Variants in CACNB4 observed in about 807,000 individuals in gnomAD.
CACNB4 encodes voltage-dependent L-type calcium channel subunit beta-4.
CACNB4 carries 32 observed loss-of-function variants against 71.2 expected under a neutral mutation model. The ratio of observed to expected loss-of-function variants is 0.45; its 90% CI spans 0.34 to 0.60. The LOEUF (loss-of-function observed/expected upper bound fraction) is 0.60, where lower values mean the gene tolerates loss of function less well. Ranked by LOEUF, CACNB4 falls within the 20% of genes least tolerant of loss-of-function variation. CACNB4 has a pLI of 0.01. For missense variants in CACNB4, 464 were observed against 647.9 expected (o/e 0.72, Z 3.08); for synonymous variants, 231 against 236.9 (o/e 0.97, Z 0.23).
chr2:151,894,617 C>A lies in CACNB4; in HGVS notation c.148-11247G>T, dbSNP rs561631671. On this transcript the variant is annotated intron_variant, in intron 2 of 13. Coordinates refer to ENST00000539935, the MANE Select transcript of CACNB4 (RefSeq NM_000726.5). ...TCCAGATGGAAATCAGAAAGTCAAA[C>A]TGTCCCTCTTTACAGACGACATGAT... is the stretch of plus-strand genomic sequence containing the variant. Among the ~76,000 whole-genome samples the A allele has an allele frequency of 6.6e-5, 10 of 152,262 alleles. No individual in the cohort carries two copies. In the South Asian group the frequency reaches 2.1e-3, roughly 32 times the overall value.
chr2:152,002,644 T>G (rs906817360), intron 2 of CACNB4, among the ~76,000 whole-genome samples: 13 of 152,222 alleles, frequency 8.5e-5, no homozygotes, highest in Admixed American at 5.2e-4. Flanking sequence ...ATCAAATATA[T>G]TTAACAATGT....
chr2:151,966,697 GT>G (rs937826215), intron 2 of CACNB4, among the ~76,000 whole-genome samples: 2 of 152,136 alleles, frequency 1.3e-5, no homozygotes, highest in African/African-American at 4.8e-5. Context: ...CTATAAGATT[GT>G]TGGAAATCAC....
At chr2:151,878,831 A>G (rs1454001434) in intron 4 of CACNB4, among the ~76,000 whole-genome samples, 1 of 152,136 alleles carries the variant, frequency 6.6e-6, no homozygotes. Flanking sequence ...GGATCACTTG[A>G]GCCCAGGAGT....
chr2:151,896,818 T>C (rs2099852200), intron 2 of CACNB4, among the ~76,000 whole-genome samples: 1 of 152,222 alleles, frequency 6.6e-6, no homozygotes, highest in Admixed American at 6.5e-5. Flanking sequence ...TTTACTGATG[T>C]TATCTAATTT....
chr2:152,018,207 A>G (rs7598222), intron 2 of CACNB4, among the ~76,000 whole-genome samples: 149,964 of 152,184 alleles, frequency 0.99, 73,935 homozygotes, highest in Middle Eastern at 1. Context: ...TAAACAAAAG[A>G]TGAAATGGGC....
chr2:151,951,301 A>C (rs76655590), intron 2 of CACNB4, among the ~76,000 whole-genome samples: 1 of 151,936 alleles, frequency 6.6e-6, no homozygotes, highest in African/African-American at 2.4e-5. Flanking sequence ...AAAAAAAAAA[A>C]CAACTAATAA....
chr2:151,868,994 C>T, intron 9 of CACNB4, 183 bp downstream of exon 9: 1 of 453,344 alleles, frequency 2.2e-6, no homozygotes, highest in Non-Finnish European at 3.9e-6. Flanking sequence ...CCTTTCTTCA[C>T]TGGGGACTCA....
chr2:151,927,661 C>T lies in CACNB4; in HGVS notation c.148-44291G>A, dbSNP rs548960992. Among the ~76,000 whole-genome samples the T allele has an allele frequency of 3.9e-5, 6 of 152,330 alleles. No homozygotes were observed. In the East Asian group the frequency reaches 1.2e-3, roughly 29 times the overall value. Reference sequence around the variant, plus strand: ...AAAACTCACTTGAGATCAATGATCACGAACTGCAGGTGAGTCAGCGCAATT... The same window carrying T: ...AAAACTCACTTGAGATCAATGATCATGAACTGCAGGTGAGTCAGCGCAATT... On this transcript the variant is annotated intron_variant, in intron 2 of 13. Transcript: ENST00000539935.
rs34430081 is a variant in CACNB4, at chr2:152,069,503, CT to C, written c.147+28826del. Among the ~76,000 whole-genome samples the C allele has an allele frequency of 8.8e-3, 1,133 of 128,874 alleles. 7 individuals are homozygous for C. The highest frequency in any genetic ancestry group is 0.02 in the Middle Eastern group (5 of 250). 84.5% of individuals were successfully genotyped at this position (128,874 alleles called of 152,430 possible). On this transcript the variant is annotated intron_variant, in intron 2 of 13. Coordinates refer to ENST00000539935, the MANE Select transcript of CACNB4 (RefSeq NM_000726.5). Reference sequence around the variant, plus strand: ...CATCACAAGCACATAAAGAACACGCCTTTTTTTTTTTTTTTTTTCAGTAGAA... The same window carrying C: ...CATCACAAGCACATAAAGAACACGCCTTTTTTTTTTTTTTTTTCAGTAGAA...
chr2:152,026,982 C>G (rs545001082), intron 2 of CACNB4, among the ~76,000 whole-genome samples: 1 of 152,082 alleles, frequency 6.6e-6, no homozygotes, highest in South Asian at 2.1e-4. Context: ...TCTCAGCTCA[C>G]TGCAACCTCC....
chr2:151,895,413 A>C (rs543257740), intron 2 of CACNB4, among the ~76,000 whole-genome samples: 8 of 152,000 alleles, frequency 5.3e-5, no homozygotes, highest in Non-Finnish European at 8.8e-5. Flanking sequence ...ACAGACCTCC[A>C]ACTAATAAAA....
intron 12 of CACNB4, chr2:151,852,333 T>A (rs1265774183): frequency 6.6e-6 from 1 of 152,222 alleles, no homozygotes; most frequent in Non-Finnish European, 1.5e-5. Flanking sequence ...CGTCTGAACA[T>A]CCTTTCATTT....
At chr2:152,089,917 AAGAC>A (rs1171138422) in intron 2 of CACNB4, among the ~76,000 whole-genome samples, 1 of 152,184 alleles carries the variant, frequency 6.6e-6, no homozygotes, top group African/African-American at 2.4e-5. Flanking sequence ...GAAAAAAAGA[AAGAC>A]AGAAAGCAGA....
intron 2 of CACNB4, among the ~76,000 whole-genome samples, chr2:151,924,547 T>C (rs1297700269): frequency 6.8e-6 from 1 of 147,682 alleles, no homozygotes; most frequent in Non-Finnish European, 1.5e-5. Context: ...ATGGCTGCTA[T>C]AGTATATATA....
At chr2:151,860,466 A>G in intron 10 of CACNB4, 1 of 526,604 alleles carries the variant, frequency 1.9e-6, no homozygotes, top group Non-Finnish European at 3.4e-6. Flanking sequence ...AAAGACTAGG[A>G]GAGCCCATTG....
intron 2 of CACNB4, among the ~76,000 whole-genome samples, chr2:151,909,816 A>T (rs1199074858): frequency 6.6e-6 from 1 of 152,148 alleles, no homozygotes; most frequent in Non-Finnish European, 1.5e-5. Context: ...ATTGATGGGC[A>T]TTTGGGTTGG....
chr2:151,935,610 C>T (rs2151617189), intron 2 of CACNB4, among the ~76,000 whole-genome samples: 1 of 152,306 alleles, frequency 6.6e-6, no homozygotes, highest in East Asian at 1.9e-4. Flanking sequence ...ACAGTAGTTA[C>T]AGACAAATCC....
At chr2:151,995,650 A>T (rs911328722) in intron 2 of CACNB4, among the ~76,000 whole-genome samples, 5 of 152,218 alleles carry the variant, frequency 3.3e-5, no homozygotes, top group Non-Finnish European at 7.3e-5. Flanking sequence ...TGGAGCTTGC[A>T]GTGAGCCAAG....
chr2:151,843,873 TC>T (rs1361117324), intron 12 of CACNB4, among the ~76,000 whole-genome samples: 1 of 152,164 alleles, frequency 6.6e-6, no homozygotes, highest in Non-Finnish European at 1.5e-5. Context: ...ACAATCTCTC[TC>T]CCAACATTTA....
Sources: gnomAD v4.1 joint callset for allele counts (sites outside exome capture counted in the v4.1 genomes callset) on GRCh38, gnomAD v4.1.1 for gene constraint, MANE v1.5 for transcripts, NCBI Gene and HGNC (gene_info 2026-07-23, HGNC 2026-07-21) for gene names.